NLGN1: variants seen among roughly 807,000 people sequenced by gnomAD.
NLGN1 encodes the protein neuroligin 1.
NLGN1 carries 12 observed loss-of-function variants against 65.5 expected under a neutral mutation model. That is an observed-to-expected ratio of 0.18 (90% CI 0.12 to 0.30). The LOEUF is 0.30. Ranked by LOEUF, NLGN1 falls within the 10% of genes least tolerant of loss-of-function variation. The pLI, the probability that NLGN1 is intolerant of heterozygous loss-of-function variation, is 1.00. For missense variants in NLGN1, 750 were observed against 1,007.1 expected (o/e 0.74, Z 3.46); for synonymous variants, 350 against 359.5 (o/e 0.97, Z 0.30).
At chr3:173,976,753 G>C (rs1203795305) in intron 4 of NLGN1, among the ~76,000 whole-genome samples, 3 of 151,998 alleles carry the variant, frequency 2.0e-5, no homozygotes, top group Non-Finnish European at 4.4e-5. Context: ...GACCTTTCAT[G>C]TTTCTTAGCT....
intron 4 of NLGN1, among the ~76,000 whole-genome samples, chr3:173,988,728 A>AT (rs377484843): frequency 0.012 from 1,784 of 152,146 alleles, 27 homozygotes; most frequent in African/African-American, 0.038. Flanking sequence ...ACAAATAGCT[A>AT]TTTTTTTAAT....
intron 4 of NLGN1, among the ~76,000 whole-genome samples, chr3:174,076,720 AGAGAGTGTGTGTGTGTGT>A (rs1424682850): frequency 2.6e-5 from 3 of 114,838 alleles, no homozygotes; most frequent in East Asian, 5.0e-4. Flanking sequence ...AGAGAGAGAG[AGAGAGTGTGTGTGTGTGT>A]GTGTGTGTGT....
chr3:173,649,928 T>C (rs1304722424), intron 3 of NLGN1, among the ~76,000 whole-genome samples: 1 of 152,086 alleles, frequency 6.6e-6, no homozygotes, highest in Non-Finnish European at 1.5e-5. Context: ...CAAATATTTC[T>C]CCCATAATAA....
intron 2 of NLGN1, among the ~76,000 whole-genome samples, chr3:173,589,054 C>T (rs1747992997): frequency 6.6e-6 from 1 of 152,190 alleles, no homozygotes; most frequent in Admixed American, 6.5e-5. Context: ...AATTCAAAAA[C>T]CACAGTGATA....
intron 4 of NLGN1, among the ~76,000 whole-genome samples, chr3:174,187,892 A>G (rs1053646496): frequency 6.6e-6 from 1 of 151,974 alleles, no homozygotes; most frequent in Non-Finnish European, 1.5e-5. Context: ...GCTAGATGTC[A>G]GGGACTGTGT....
intron 4 of NLGN1, among the ~76,000 whole-genome samples, chr3:173,899,497 T>G (rs979643099): frequency 1.3e-5 from 2 of 152,134 alleles, no homozygotes; most frequent in African/African-American, 4.8e-5. Context: ...CTTGGCAAAC[T>G]ATGACCAATA....
At chr3:173,446,161 C>T (rs1427101033) in intron 2 of NLGN1, among the ~76,000 whole-genome samples, 1 of 151,602 alleles carries the variant, frequency 6.6e-6, no homozygotes, top group Non-Finnish European at 1.5e-5. Context: ...GTGTGCTGCA[C>T]CCATCAACTT....
intron 2 of NLGN1, among the ~76,000 whole-genome samples, chr3:173,552,547 T>C (rs1349087287): frequency 2.6e-5 from 4 of 152,054 alleles, no homozygotes; most frequent in African/African-American, 9.7e-5. Context: ...TGCAGACGAT[T>C]TGAAGGGTGA....
chr3:174,057,137 A>G (rs1736315096), intron 4 of NLGN1, among the ~76,000 whole-genome samples: 1 of 151,976 alleles, frequency 6.6e-6, no homozygotes, highest in African/African-American at 2.4e-5. Context: ...GGGGAAAAAA[A>G]AAGAACTTAA....
chr3:174,193,326 T>C (rs905585647), intron 4 of NLGN1, among the ~76,000 whole-genome samples: 1 of 152,184 alleles, frequency 6.6e-6, no homozygotes, highest in Non-Finnish European at 1.5e-5. Flanking sequence ...ACCTTTTCCA[T>C]ATACTCTCTA....
intron 3 of NLGN1, among the ~76,000 whole-genome samples, chr3:173,672,891 T>C (rs1386410360): frequency 6.6e-6 from 1 of 152,198 alleles, no homozygotes; most frequent in Non-Finnish European, 1.5e-5. Flanking sequence ...AATTAGGGAA[T>C]ATTTCAGCAG....
At chr3:173,995,515 A>G (rs929351461) in intron 4 of NLGN1, among the ~76,000 whole-genome samples, 2 of 152,172 alleles carry the variant, frequency 1.3e-5, no homozygotes, top group Non-Finnish European at 2.9e-5. Flanking sequence ...ATATGTCAAG[A>G]TGGTATCCCA....
At chr3:174,187,871 G>A (rs1369043781) in intron 4 of NLGN1, among the ~76,000 whole-genome samples, 3 of 151,962 alleles carry the variant, frequency 2.0e-5, no homozygotes, top group Non-Finnish European at 4.4e-5. Context: ...GGTTTGTTGG[G>A]AGGGTGGACT....
intron 4 of NLGN1, among the ~76,000 whole-genome samples, chr3:173,991,908 G>A (rs535278734): frequency 3.9e-5 from 6 of 152,112 alleles, no homozygotes; most frequent in South Asian, 2.1e-4. Flanking sequence ...TGCCTCCTGT[G>A]TTCTAGCGAT....
chr3:173,658,784 A>G (rs915643549), intron 3 of NLGN1, among the ~76,000 whole-genome samples: 2 of 151,998 alleles, frequency 1.3e-5, no homozygotes, highest in African/African-American at 4.8e-5. Flanking sequence ...TGCTCTACGA[A>G]GAGGCCCCAA....
At chr3:174,211,560 C>G (rs1327354525) in intron 4 of NLGN1, among the ~76,000 whole-genome samples, 5 of 149,648 alleles carry the variant, frequency 3.3e-5, no homozygotes, top group Admixed American at 6.7e-5. Context: ...ATTTACAATC[C>G]CTGAGCTAGA....
intron 3 of NLGN1, among the ~76,000 whole-genome samples, chr3:173,717,794 A>G (rs1770123991): frequency 6.6e-6 from 1 of 152,254 alleles, no homozygotes; most frequent in African/African-American, 2.4e-5. Context: ...TCAGGAGACA[A>G]TTAAAGATAT....
intron 2 of NLGN1, among the ~76,000 whole-genome samples, chr3:173,544,812 A>T (rs1188406916): frequency 6.6e-6 from 1 of 152,258 alleles, no homozygotes; most frequent in African/African-American, 2.4e-5. Context: ...CAGAAGAGAA[A>T]ACTAAGGAAC....
intron 2 of NLGN1, among the ~76,000 whole-genome samples, chr3:173,564,067 T>G (rs576337450): frequency 6.6e-6 from 1 of 152,340 alleles, no homozygotes; most frequent in African/African-American, 2.4e-5. Context: ...CTTGCTTCCC[T>G]CCTTTCCCTG....
Sources: allele counts gnomAD v4.1 joint callset (sites outside exome capture counted in the v4.1 genomes callset), GRCh38; gene constraint gnomAD v4.1.1; transcripts MANE v1.5; gene names NCBI Gene and HGNC (gene_info 2026-07-23, HGNC 2026-07-21).